Variants in MAD1L1 observed in about 807,000 individuals in gnomAD.
The protein encoded by MAD1L1 is mitotic arrest deficient 1 like 1.
In MAD1L1, 95 loss-of-function variants were observed where a neutral mutation model predicts 96.9. The observed-to-expected ratio is 0.98, with a 90% CI of 0.83 to 1.16. The LOEUF is 1.16. Among genes scored for constraint, MAD1L1 ranks in the 50% most tolerant of loss-of-function variants. The pLI, the probability that MAD1L1 is intolerant of heterozygous loss-of-function variation, is 0.00. For synonymous variants in MAD1L1, 473 were observed against 396.6 expected (o/e 1.19, Z -2.29); for missense variants, 1,007 against 954.4 (o/e 1.06, Z -0.73).
intron 12 of MAD1L1, among the ~76,000 whole-genome samples, chr7:2,060,702 C>G (rs889181798): frequency 1.7e-4 from 26 of 152,220 alleles, no homozygotes; most frequent in African/African-American, 5.8e-4. Context: ...GCCATGGCAG[C>G]GCCACGCGTG....
chr7:1,990,788 G>A (rs1781374458), intron 14 of MAD1L1, among the ~76,000 whole-genome samples: 2 of 96,254 alleles, frequency 2.1e-5, no homozygotes, highest in Non-Finnish European at 2.1e-5. Context: ...AGCACCGCTG[G>A]GTGCCTGAGC....
At chr7:2,100,443 C>T (rs890879782) in intron 11 of MAD1L1, among the ~76,000 whole-genome samples, 3 of 152,226 alleles carry the variant, frequency 2.0e-5, no homozygotes, top group African/African-American at 7.2e-5. Context: ...CATTACAATG[C>T]TGGTGCCTTG....
chr7:2,228,945 G>C (rs1384041391), intron 3 of MAD1L1, among the ~76,000 whole-genome samples: 1 of 151,930 alleles, frequency 6.6e-6, no homozygotes, highest in African/African-American at 2.4e-5. Flanking sequence ...GTGTTAGCCA[G>C]GATGATCTTG....
chr7:1,996,270 T>C lies in MAD1L1; in HGVS notation c.1416+5795A>G, dbSNP rs1269231680. On this transcript the variant is annotated intron_variant, in intron 14 of 18. Transcript: ENST00000265854. ...ACACACGGCTCCTGGGCGGGCAGGG[T>C]CCCCCCGGGTCTACACACGGCTGCT... Among the ~76,000 whole-genome samples the C allele has an allele frequency of 2.3e-4, 3 of 13,000 alleles. 1 individual carries two copies. The highest frequency in any genetic ancestry group is 1.5e-3 in the Admixed American group (2 of 1,358). The allele number at this position is 13,000 out of a possible 152,430, so 8.5% of individuals were successfully genotyped here. A position where few individuals can be genotyped will look rare whatever the true frequency, so the allele number is the denominator to read the frequency against.
At chr7:1,951,597 T>TGCCCCA (rs983838221) in intron 16 of MAD1L1, among the ~76,000 whole-genome samples, 47 of 152,216 alleles carry the variant, frequency 3.1e-4, no homozygotes, top group African/African-American at 9.9e-4. Flanking sequence ...TCCATTCCCC[T>TGCCCCA]GCCCCAGCCC....
intron 16 of MAD1L1, 31 bp downstream of exon 16, chr7:1,957,598 G>A (rs1207562308): frequency 1.9e-6 from 3 of 1,605,898 alleles, no homozygotes; most frequent in African/African-American, 2.7e-5. Context: ...GGCCCAGGCA[G>A]TGCCTCACCC....
intron 11 of MAD1L1, among the ~76,000 whole-genome samples, chr7:2,134,983 A>G (rs1272006709): frequency 6.6e-6 from 1 of 152,236 alleles, no homozygotes; most frequent in African/African-American, 2.4e-5. Context: ...AAAAACCAGA[A>G]CTGAGGACAC....
At chr7:1,929,736 C>T (rs1275222243) in intron 17 of MAD1L1, among the ~76,000 whole-genome samples, 2 of 150,546 alleles carry the variant, frequency 1.3e-5, no homozygotes, top group Admixed American at 6.6e-5. Flanking sequence ...CCCACTGCCA[C>T]GTCCCCTCGC....
chr7:1,934,991 C>T lies in MAD1L1; in HGVS notation c.1807+1696G>A, dbSNP rs186653052. On this transcript the variant is annotated intron_variant, in intron 17 of 18. Transcript: ENST00000265854. The stretch of plus-strand genomic sequence containing the variant: ...AACGAACAGATGGGCAAACCCGAGA[C>T]GGGCAGAGACCCAGACAACAAGGGA... Among the ~76,000 whole-genome samples, 6 of 150,698 alleles carry T rather than the reference C, an allele frequency of 4.0e-5. No homozygotes were observed. The East Asian group carries it at 5.9e-4, about 15-fold the overall frequency.
At chr7:2,221,073 G>C in intron 5 of MAD1L1, 1 of 1,586,306 alleles carries the variant, frequency 6.3e-7, no homozygotes, top group South Asian at 1.1e-5. Context: ...GGGCTTCCCT[G>C]AGGAGCGGCC....
chr7:2,123,484 G>A (rs1035327275), intron 11 of MAD1L1, among the ~76,000 whole-genome samples: 6 of 152,108 alleles, frequency 3.9e-5, no homozygotes, highest in African/African-American at 1.4e-4. Context: ...GCTGACACCC[G>A]GTGGGCTCTG....
At chr7:1,962,005 G>GT (rs1779972936) in intron 15 of MAD1L1, among the ~76,000 whole-genome samples, 1 of 151,944 alleles carries the variant, frequency 6.6e-6, no homozygotes. Context: ...CGTGTGTTGT[G>GT]GGAGGCCTGT....
intron 11 of MAD1L1, among the ~76,000 whole-genome samples, chr7:2,123,464 T>G (rs1788077365): frequency 6.6e-6 from 1 of 152,098 alleles, no homozygotes; most frequent in Admixed American, 6.5e-5. Flanking sequence ...TGGTCCTGTG[T>G]GTGAGGGCGG....
At chr7:1,910,656 A>T (rs10227517) in intron 17 of MAD1L1, among the ~76,000 whole-genome samples, 69,021 of 152,112 alleles carry the variant, frequency 0.45, 15,902 homozygotes, top group Admixed American at 0.55. Flanking sequence ...AGCATCTGAG[A>T]TCGCGTGTTT....
rs796434646 is a variant in MAD1L1 at position 1,940,988 on chromosome 7, T to C, written c.1597-4091A>G. 5.8e-3 allele frequency among the ~76,000 whole-genome samples: 720 copies of C among 124,214 alleles called. 4 individuals are homozygous for C. The highest frequency in any genetic ancestry group is 9.1e-3 in the Middle Eastern group (2 of 220). The allele number at this position is 124,214 out of a possible 152,430, so 81.5% of individuals were successfully genotyped here. ...CGCAGGCCTCACCCTCCTCTTCCTC[T>C]CCCAGGCCTCAGCCTCCTCTTCCTC... On this transcript the variant is annotated intron_variant, in intron 16 of 18. Coordinates refer to ENST00000265854, the MANE Select transcript of MAD1L1 (RefSeq NM_001013836.2).
chr7:1,966,748 T>C (rs1179326916), intron 15 of MAD1L1, among the ~76,000 whole-genome samples: 3 of 152,204 alleles, frequency 2.0e-5, no homozygotes, highest in Admixed American at 1.3e-4. Context: ...TTCGAGCGTC[T>C]GCAAATCTCT....
chr7:1,975,355 T>C (rs1780588718), intron 15 of MAD1L1, among the ~76,000 whole-genome samples: 2 of 152,136 alleles, frequency 1.3e-5, no homozygotes, highest in African/African-American at 4.8e-5. Context: ...GACCAATCAC[T>C]TGTACTCCAG....
intron 10 of MAD1L1, among the ~76,000 whole-genome samples, chr7:2,210,227 T>C (rs566364979): frequency 6.3e-4 from 96 of 152,260 alleles, no homozygotes; most frequent in African/African-American, 2.1e-3. Context: ...TGCACACCAC[T>C]GAGCACCGCT....
chr7:2,192,960 A>G (rs1189320411), intron 10 of MAD1L1, among the ~76,000 whole-genome samples: 1 of 152,246 alleles, frequency 6.6e-6, no homozygotes, highest in Non-Finnish European at 1.5e-5. Flanking sequence ...ATTCAAGCTT[A>G]GCCCTGGGAG....
Sources: allele counts gnomAD v4.1 joint callset (sites outside exome capture counted in the v4.1 genomes callset), GRCh38; gene constraint gnomAD v4.1.1; transcripts MANE v1.5; gene names NCBI Gene and HGNC (gene_info 2026-07-23, HGNC 2026-07-21).